The following ASIP variants were observed in gnomAD, a reference collection of about 807,000 sequenced individuals.
The protein encoded by ASIP is agouti signaling protein.
In ASIP, 11 loss-of-function variants were observed where a neutral mutation model predicts 10.3. The ratio of observed to expected loss-of-function variants is 1.07; its 90% CI spans 0.68 to 1.78. ASIP has a LOEUF of 1.78. Among genes scored for constraint, ASIP ranks in the 40% most tolerant of loss-of-function variants. ASIP has a pLI of 0.00. For synonymous variants in ASIP, 70 were observed against 70.8 expected, an observed-to-expected ratio of 0.99 and a Z score of 0.06; for missense variants, 180 against 169.2, an observed-to-expected ratio of 1.06 and a Z score of -0.35.
chr20:34,232,388 C>T (rs2035127694), intron 1 of ASIP, among the ~76,000 whole-genome samples: 1 of 152,182 alleles, frequency 6.6e-6, no homozygotes, highest in Non-Finnish European at 1.5e-5. Flanking sequence ...GAGAGATTTT[C>T]ACTTGAGCAT....
chr20:34,214,331 C>G (rs2034993627), intron 1 of ASIP: 1 of 1,314,410 alleles, frequency 7.6e-7, no homozygotes, highest in East Asian at 2.3e-5. Flanking sequence ...CTGTGAAAAA[C>G]TTTTCATATC....
intron 1 of ASIP, among the ~76,000 whole-genome samples, chr20:34,254,126 A>G (rs2035530297): frequency 1.3e-5 from 2 of 151,880 alleles, no homozygotes; most frequent in Non-Finnish European, 2.9e-5. Context: ...GCAGTGGCAC[A>G]ATCTTTGCTC....
intron 1 of ASIP, among the ~76,000 whole-genome samples, chr20:34,244,534 A>G (rs996261117): frequency 1.3e-5 from 2 of 152,252 alleles, no homozygotes; most frequent in Admixed American, 6.5e-5. Flanking sequence ...TTCTTTAAAC[A>G]TATGCGTAAT....
chr20:34,227,653 T>C (rs1005036366), intron 1 of ASIP, among the ~76,000 whole-genome samples: 2 of 150,396 alleles, frequency 1.3e-5, no homozygotes, highest in Non-Finnish European at 2.9e-5. Context: ...AAAAGAGATA[T>C]ACCATATTCG....
At chr20:34,192,089 T>G (rs962433701), upstream of ASIP, among the ~76,000 whole-genome samples, 3 of 151,380 alleles carry the variant, frequency 2.0e-5, no homozygotes, top group Non-Finnish European at 4.4e-5. Context: ...TTGCCCATGG[T>G]GCAATGGCCC....
rs563771195 is a variant in ASIP, at chr20:34,213,739, T to C, written c.-11+18979T>C. ...TTCCTCCAGGCAAATAATCATTCGA[T>C]GAAGGAAAGTACAGACTCCACTTCT... is the stretch of plus-strand genomic sequence containing the variant. On this transcript the variant is annotated intron_variant, in intron 1 of 3. Transcript: ENST00000568305. 14 of 1,508,020 alleles carry C rather than the reference T, an allele frequency of 9.3e-6. No homozygotes were observed. In the East Asian group the frequency reaches 3.2e-4, roughly 34 times the overall value. The allele number at this position is 1,508,020 out of a possible 1,614,324, so 93.4% of individuals were successfully genotyped here.
chr20:34,224,594 A>T (rs1156519993), intron 1 of ASIP, among the ~76,000 whole-genome samples: 1 of 152,172 alleles, frequency 6.6e-6, no homozygotes, highest in Non-Finnish European at 1.5e-5. Flanking sequence ...AGGAGTACCC[A>T]GATGCAGGCG....
chr20:34,192,141 A>G (rs991253575), upstream of ASIP, among the ~76,000 whole-genome samples: 1 of 151,990 alleles, frequency 6.6e-6, no homozygotes, highest in Non-Finnish European at 1.5e-5. Context: ...GATTCAAGTG[A>G]TTCTTCTGCC....
chr20:34,193,592 C>G (rs183740990), upstream of ASIP, among the ~76,000 whole-genome samples: 1 of 152,314 alleles, frequency 6.6e-6, no homozygotes, highest in Non-Finnish European at 1.5e-5. Context: ...TATTGGACAT[C>G]TGAATTATTG....
chr20:34,223,832 AAAG>A (rs1452820278), intron 1 of ASIP, among the ~76,000 whole-genome samples: 2 of 116,490 alleles, frequency 1.7e-5, no homozygotes, highest in South Asian at 3.1e-4. Flanking sequence ...GTCTGTGTAG[AAAG>A]AAGTAGACAT....
At chr20:34,191,975 C>T (rs946732242), upstream of ASIP, among the ~76,000 whole-genome samples, 4 of 152,178 alleles carry the variant, frequency 2.6e-5, no homozygotes, top group African/African-American at 9.7e-5. Context: ...AGGTAATCCA[C>T]CTGCCTCGGC....
intron 1 of ASIP, chr20:34,215,533 C>T (rs1259128417): frequency 1.1e-5 from 17 of 1,518,522 alleles, no homozygotes; most frequent in Non-Finnish European, 3.7e-6. Flanking sequence ...ACTTGGGCCA[C>T]TTAGTGAGAT....
chr20:34,206,566 T>TTTTTTG (rs753525643), intron 1 of ASIP, among the ~76,000 whole-genome samples: 5 of 152,148 alleles, frequency 3.3e-5, no homozygotes, highest in South Asian at 2.1e-4. Flanking sequence ...CATATACCAC[T>TTTTTTG]TTTTTGTTTT....
intron 1 of ASIP, among the ~76,000 whole-genome samples, chr20:34,223,520 C>T (rs1269454435): frequency 1.7e-5 from 2 of 120,680 alleles, no homozygotes; most frequent in African/African-American, 8.0e-5. Flanking sequence ...CCCCGCCCGG[C>T]CAGCCGTGCC....
chr20:34,266,528 C>T (rs1345440771), intron 3 of ASIP, among the ~76,000 whole-genome samples: 1 of 151,896 alleles, frequency 6.6e-6, no homozygotes, highest in South Asian at 2.1e-4. Context: ...CAAAAATTAG[C>T]TGGGCGTGGT....
intron 1 of ASIP, among the ~76,000 whole-genome samples, chr20:34,222,299 A>G (rs1405783462): frequency 2.0e-5 from 3 of 151,736 alleles, no homozygotes; most frequent in Non-Finnish European, 4.4e-5. Context: ...AAGGCTACAG[A>G]TGGAGGAGGA....
rs963378133 is a variant in ASIP, at chr20:34,246,427, T to A, written c.-11+4938T>A. The A allele has an allele frequency of 2.2e-6, 3 of 1,361,068 alleles. No homozygotes were observed. In the African/African-American group the frequency reaches 4.3e-5, roughly 20 times the overall value. 84.3% of individuals were successfully genotyped at this position (1,361,068 alleles called of 1,614,324 possible). On this transcript the variant is annotated intron_variant, in intron 1 of 3. Coordinates refer to ENST00000374954, the MANE Select transcript of ASIP (RefSeq NM_001672.3). ...GCATATATTCACAGTACTCTGTTGG[T>A]AATGAACAGACTCCACAATAAAGGA...
At chr20:34,191,657 T>C (rs192984703), upstream of ASIP, among the ~76,000 whole-genome samples, 1 of 152,310 alleles carries the variant, frequency 6.6e-6, no homozygotes. Flanking sequence ...GCTTGTTGAT[T>C]TCTTTCTTCG....
upstream of ASIP, among the ~76,000 whole-genome samples, chr20:34,191,730 CTTT>C (rs58407816): frequency 5.6e-5 from 7 of 125,142 alleles, no homozygotes; most frequent in Non-Finnish European, 6.5e-5. Context: ...CTCTCTCTCT[CTTT>C]TTTTTTTTTT....
Sources: allele counts gnomAD v4.1 joint callset (sites outside exome capture counted in the v4.1 genomes callset), GRCh38; gene constraint gnomAD v4.1.1; transcripts MANE v1.5; gene names NCBI Gene and HGNC (gene_info 2026-07-23, HGNC 2026-07-21).